Variants in DNAJB1 observed in about 807,000 individuals in gnomAD.
DNAJB1 encodes dnaJ homolog subfamily B member 1.
A neutral mutation model predicts 24.0 loss-of-function variants in DNAJB1; 14 were observed. The ratio of observed to expected loss-of-function variants is 0.58; its 90% confidence interval spans 0.39 to 0.91. The LOEUF (loss-of-function observed/expected upper bound fraction) is 0.91, where lower values mean the gene tolerates loss of function less well. Ranked by LOEUF, DNAJB1 falls within the 40% of genes least tolerant of loss-of-function variation. DNAJB1 has a pLI of 0.00. For synonymous variants in DNAJB1, 262 were observed against 174.4 expected (o/e 1.50, Z -3.96); for missense variants, 517 against 458.1 (o/e 1.13, Z -1.17).
At chr19:14,551,124 T>C (rs1373124696), upstream of DNAJB1, among the ~76,000 whole-genome samples, 3 of 151,878 alleles carry the variant, frequency 2.0e-5, no homozygotes, top group Non-Finnish European at 4.4e-5. Flanking sequence ...CAGGCTGGAG[T>C]GCAGTGGTGC....
chr19:14,524,502 G>A (rs1437938497), intron 2 of DNAJB1, among the ~76,000 whole-genome samples: 1 of 151,672 alleles, frequency 6.6e-6, no homozygotes, highest in African/African-American at 2.4e-5. Context: ...TAGCCTGAGA[G>A]ACAGTGAGAC....
At chr19:14,550,477 C>T (rs906977364), upstream of DNAJB1, among the ~76,000 whole-genome samples, 3 of 152,066 alleles carry the variant, frequency 2.0e-5, no homozygotes, top group African/African-American at 7.2e-5. Context: ...CCTCTGGCCC[C>T]CTTCCAGCTT....
rs780644757 is a variant in DNAJB1 at position 14,515,983 on chromosome 19, G to C, written c.980C>G (p.Pro327Arg). Residue 327 changes from proline (P) to arginine (R), a missense_variant, in exon 3 of 3, where the codon CCC (proline) becomes CGC (arginine). Physicochemically the swap from Pro to Arg is moderately radical, Grantham distance 103. Coordinates refer to ENST00000254322, the MANE Select transcript of DNAJB1 (RefSeq NM_006145.3). ...CTCAAGTACGGTTCTTGATGTCTGG[G>C]GAATCCTTTCGGGGAAGATCACTTC... ...EFEVIFPERI[P>R]QTSRTVLEQV... is the part of the protein sequence containing the mutation. 6.2e-7 allele frequency: 1 copy of C among 1,610,850 alleles called. No individual in the cohort carries two copies. The highest frequency in any genetic ancestry group is 1.1e-5 in the South Asian group (1 of 90,916).
intron 2 of DNAJB1, 135 bp downstream of exon 2, chr19:14,516,331 T>C: frequency 1.6e-6 from 2 of 1,256,374 alleles, no homozygotes; most frequent in South Asian, 1.4e-5. Context: ...AACAGCGCCC[T>C]GGTCAGTCCT....
upstream of DNAJB1, chr19:14,534,174 G>C (rs940060173): frequency 6.6e-6 from 1 of 151,774 alleles, no homozygotes. Flanking sequence ...GCCCAGGCTG[G>C]AGTGCAGTGG....
At chr19:14,549,463 G>T (rs2073420113) in intron 1 of DNAJB1, among the ~76,000 whole-genome samples, 1 of 151,900 alleles carries the variant, frequency 6.6e-6, no homozygotes, top group Non-Finnish European at 1.5e-5. Flanking sequence ...CTTGTGATCT[G>T]CCCTCCTTGG....
chr19:14,524,874 T>C (rs2072402274), intron 2 of DNAJB1, among the ~76,000 whole-genome samples: 1 of 136,502 alleles, frequency 7.3e-6, no homozygotes, highest in Admixed American at 7.4e-5. Context: ...AAAAGCGCTA[T>C]AGCCATATGA....
upstream of DNAJB1, among the ~76,000 whole-genome samples, chr19:14,554,596 G>C (rs2073653218): frequency 6.6e-6 from 1 of 152,194 alleles, no homozygotes; most frequent in Admixed American, 6.5e-5. Context: ...GTGTGTGCCA[G>C]GCCTTCAGGC....
chr19:14,519,586 T>C (rs1204807434), upstream of DNAJB1, among the ~76,000 whole-genome samples: 1 of 152,142 alleles, frequency 6.6e-6, no homozygotes, highest in Admixed American at 6.6e-5. Context: ...CCGCTAAATT[T>C]GAAATTTATC....
In DNAJB1 at chr19:14,515,944, A is replaced by T; in HGVS notation, c.1019T>A (p.Ile340Lys). ...SRTVLEQVLPI is the reference protein window; with the variant it reads ...SRTVLEQVLPK Reference sequence around the variant, plus strand: ...GTCCTTGGGGAGCTCAGATAGCTATATTGGAAGAACCTGCTCAAGTACGGT... The same window carrying T: ...GTCCTTGGGGAGCTCAGATAGCTATTTTGGAAGAACCTGCTCAAGTACGGT... The change falls in exon 3 of 3, where the codon ATA becomes AAA. Residue 340 changes from isoleucine (I) to lysine (K), a missense_variant. By Grantham distance (102) the Ile-to-Lys change is moderately radical. Coordinates refer to ENST00000254322, the MANE Select transcript of DNAJB1 (RefSeq NM_006145.3). 3 of 1,606,600 alleles carry T rather than the reference A, an allele frequency of 1.9e-6. No individual in the cohort carries two copies. Among genetic ancestry groups the T allele is most frequent in the South Asian group, 2.2e-5 (2 of 90,460 alleles).
chr19:14,521,242 T>A (rs1399698067), upstream of DNAJB1, among the ~76,000 whole-genome samples: 5 of 152,044 alleles, frequency 3.3e-5, no homozygotes, highest in Admixed American at 6.5e-5. Flanking sequence ...GTGGATCACC[T>A]GAGGTCAGGA....
intron 1 of DNAJB1, among the ~76,000 whole-genome samples, chr19:14,547,816 A>G (rs924996620): frequency 3.0e-4 from 46 of 151,810 alleles, no homozygotes; most frequent in Non-Finnish European, 2.9e-4. Flanking sequence ...CATACCACCT[A>G]CAGCCGGCTA....
rs1162791274 is a variant in DNAJB1 at position 14,524,832 on chromosome 19, C to T, written c.-90+2894G>A. On this transcript the variant is annotated intron_variant, in intron 2 of 3. Coordinates refer to the DNAJB1 transcript ENST00000396969. ...CTGCACTCCAGCCTGGACAACAGAG[C>T]GAGACTCGTTCTCAAAAAAAAAAGA... Among the ~76,000 whole-genome samples, 3 of 72,712 alleles carry T rather than the reference C, an allele frequency of 4.1e-5. 1 individual carries two copies. The highest frequency in any genetic ancestry group is 7.5e-5 in the Non-Finnish European group (3 of 40,262). 47.7% of individuals were successfully genotyped at this position (72,712 alleles called of 152,430 possible).
upstream of DNAJB1, among the ~76,000 whole-genome samples, chr19:14,522,200 G>A (rs182953473): frequency 1.0e-3 from 152 of 152,266 alleles, 2 homozygotes; most frequent in Non-Finnish European, 1.6e-4. Flanking sequence ...GTGTTGCTGT[G>A]AAGTTATTAT....
upstream of DNAJB1, among the ~76,000 whole-genome samples, chr19:14,550,634 A>G (rs554876287): frequency 6.6e-6 from 1 of 152,054 alleles, no homozygotes; most frequent in Non-Finnish European, 1.5e-5. Flanking sequence ...TGGCCTTTAC[A>G]CTGGAGCTCC....
At chr19:14,526,033 C>T (rs73002830) in intron 2 of DNAJB1, among the ~76,000 whole-genome samples, 1 of 152,248 alleles carries the variant, frequency 6.6e-6, no homozygotes, top group Non-Finnish European at 1.5e-5. Context: ...CTGATCTGCC[C>T]ATGGGAAATA....
At chr19:14,558,644 C>T (rs546531558) in intron 1 of DNAJB1, among the ~76,000 whole-genome samples, 10 of 152,298 alleles carry the variant, frequency 6.6e-5, no homozygotes, top group Non-Finnish European at 1.2e-4. Flanking sequence ...TCTCCCTGCC[C>T]GTCGTGCCTG....
In DNAJB1 at chr19:14,516,116, C is replaced by G; in HGVS notation, c.847G>C (p.Val283Leu). The G allele has an allele frequency of 6.2e-7, 1 of 1,613,672 alleles. No homozygotes were observed. The highest frequency in any genetic ancestry group is 1.3e-5 in the African/African-American group (1 of 74,958). ...VPTLDGRTIPVVFKDVIRPGM... is the reference protein window; with the variant it reads ...VPTLDGRTIPLVFKDVIRPGM... ...GGCCTGATAACATCTTTGAATACGA[C>G]GGGTATCGTCCTGCCGTCCAGAGTG... Residue 283 changes from valine (V) to leucine (L), a missense_variant, in exon 3 of 3, where the codon GTC becomes CTC. Coordinates refer to ENST00000254322, the MANE Select transcript of DNAJB1 (RefSeq NM_006145.3).
chr19:14,522,683 G>GACACACAGACACACACACACAC (rs751484199), upstream of DNAJB1, among the ~76,000 whole-genome samples: 10 of 117,926 alleles, frequency 8.5e-5, no homozygotes, highest in South Asian at 3.0e-4. Flanking sequence ...CACACACACA[G>GACACACAGACACACACACACAC]ACACACACAC....
Sources: gnomAD v4.1 joint callset for allele counts (sites outside exome capture counted in the v4.1 genomes callset) on GRCh38, gnomAD v4.1.1 for gene constraint, MANE v1.5 for transcripts, NCBI Gene and HGNC (gene_info 2026-07-23, HGNC 2026-07-21) for gene names.